GABRG3: variants seen among roughly 807,000 people sequenced by gnomAD.
The protein encoded by GABRG3 is gamma-aminobutyric acid type A receptor subunit gamma3, also known as gamma-aminobutyric acid receptor subunit gamma-3.
Under a neutral mutation model 48.8 loss-of-function variants are expected in GABRG3, and 25 were observed. The observed-to-expected ratio is 0.51, with a 90% CI of 0.37 to 0.72. GABRG3 has a LOEUF of 0.72. GABRG3 is among the 30% of genes least tolerant of loss of function. GABRG3 has a pLI of 0.00. For missense variants in GABRG3, 394 were observed against 577.9 expected (o/e 0.68, Z 3.26); for synonymous variants, 227 against 217.6 (o/e 1.04, Z -0.38).
Position 27,092,640 on chromosome 15 carries a change from G to A in GABRG3, c.270+65819G>A, listed in dbSNP as rs1897207925. Reference sequence around the variant, plus strand: ...CTTAATCTCGGGTGATTTAGTGCTGGAGAAAATAACAGTCAGGCCAGCCAT... The same window carrying A: ...CTTAATCTCGGGTGATTTAGTGCTGAAGAAAATAACAGTCAGGCCAGCCAT... On this transcript the variant is annotated intron_variant, in intron 3 of 9. Coordinates refer to ENST00000615808, the MANE Select transcript of GABRG3 (RefSeq NM_033223.5). Among the ~76,000 whole-genome samples, 5 of 152,204 alleles carry A rather than the reference G, an allele frequency of 3.3e-5. 1 individual carries two copies. The South Asian group carries it at 1.0e-3, about 31-fold the overall frequency.
intron 5 of GABRG3, among the ~76,000 whole-genome samples, chr15:27,387,176 C>T (rs184466566): frequency 6.6e-6 from 1 of 151,688 alleles, no homozygotes; most frequent in Non-Finnish European, 1.5e-5. Context: ...TGCTTTAAAA[C>T]CCTTGTTAGA....
rs1169973611 is a variant in GABRG3 at position 27,313,240 on chromosome 15, ATGTGTGTG to A, written c.271-13553_271-13546del. Among the ~76,000 whole-genome samples, 315 of 56,838 alleles carry A rather than the reference ATGTGTGTG, an allele frequency of 5.5e-3. 13 individuals carry two copies. The highest frequency in any genetic ancestry group is 0.023 in the East Asian group (55 of 2,376). The allele number at this position is 56,838 out of a possible 152,430, so 37.3% of individuals were successfully genotyped here. ...TGTATATATATACGTATATGTATAT[ATGTGTGTG>A]TGTGTGTGTGTGTGTATATATATAT... On this transcript the variant is annotated intron_variant, in intron 3 of 9. Coordinates refer to ENST00000615808, the MANE Select transcript of GABRG3 (RefSeq NM_033223.5).
chr15:27,207,324 C>T (rs1183871592), intron 3 of GABRG3, among the ~76,000 whole-genome samples: 3 of 152,138 alleles, frequency 2.0e-5, no homozygotes, highest in African/African-American at 7.2e-5. Context: ...AAAATATAAC[C>T]ATGTCCAAGA....
At chr15:27,479,187 G>A (rs1170133705) in intron 5 of GABRG3, among the ~76,000 whole-genome samples, 1 of 152,024 alleles carries the variant, frequency 6.6e-6, no homozygotes, top group Non-Finnish European at 1.5e-5. Context: ...TGTGCATTAT[G>A]TCTCAAATAA....
At chr15:27,072,479 A>G (rs1896844883) in intron 3 of GABRG3, among the ~76,000 whole-genome samples, 1 of 152,120 alleles carries the variant, frequency 6.6e-6, no homozygotes. Flanking sequence ...CTCTCAGGAC[A>G]TTTCATCTCA....
At chr15:27,244,009 G>A (rs566849470) in intron 3 of GABRG3, among the ~76,000 whole-genome samples, 2 of 152,272 alleles carry the variant, frequency 1.3e-5, no homozygotes, top group South Asian at 4.1e-4. Context: ...CTGGTTCCTG[G>A]TCACTGTGGA....
chr15:27,403,709 T>C (rs1418547013), intron 5 of GABRG3, among the ~76,000 whole-genome samples: 1 of 151,088 alleles, frequency 6.6e-6, no homozygotes, highest in African/African-American at 2.4e-5. Flanking sequence ...GGTCAGGAGA[T>C]GGAGACCAGC....
At chr15:27,445,962 AG>A (rs1317879390) in intron 5 of GABRG3, among the ~76,000 whole-genome samples, 7 of 152,054 alleles carry the variant, frequency 4.6e-5, no homozygotes. Context: ...TGTAAATAAG[AG>A]GATTTATTTG....
At chr15:27,306,539 T>C (rs1024421569) in intron 3 of GABRG3, among the ~76,000 whole-genome samples, 9 of 133,714 alleles carry the variant, frequency 6.7e-5, no homozygotes, top group Non-Finnish European at 1.2e-4. Context: ...AACATAAACA[T>C]ATAATATAAA....
chr15:27,148,329 TA>T (rs1898247876), intron 3 of GABRG3, among the ~76,000 whole-genome samples: 2 of 151,892 alleles, frequency 1.3e-5, no homozygotes, highest in Non-Finnish European at 2.9e-5. Context: ...CCTCATAACA[TA>T]AAAAAAGAGG....
In GABRG3 at chr15:27,081,048, A is replaced by G. The variant is rs145514178; in HGVS notation, c.270+54227A>G. ...GTCCCTAACGGGTGGCTGAGGGCAC[A>G]CAGCTGAGTGAGTTGAGCCCACTTT... On this transcript the variant is annotated intron_variant, in intron 3 of 9. Transcript: ENST00000615808. 3.7e-3 allele frequency among the ~76,000 whole-genome samples: 567 copies of G among 152,312 alleles called. 12 individuals carry two copies. The East Asian group carries it at 0.048, about 13-fold the overall frequency.
rs112782970 is a variant in GABRG3 at position 27,131,371 on chromosome 15, T to C, written c.270+104550T>C. ...TTTTTATGTCAAACTATCCTTGTTTTTCAGGAACAAACCATACTTTTTCAT... is the reference window on the plus strand; with the variant it reads ...TTTTTATGTCAAACTATCCTTGTTTCTCAGGAACAAACCATACTTTTTCAT... On this transcript the variant is annotated intron_variant, in intron 3 of 9. Transcript: ENST00000615808. Among the ~76,000 whole-genome samples, 1,003 of 152,216 alleles carry C rather than the reference T, an allele frequency of 6.6e-3. 2 individuals are homozygous for C. The highest frequency in any genetic ancestry group is 0.011 in the Non-Finnish European group (744 of 67,936).
At chr15:27,517,383 C>T (rs905542716) in intron 6 of GABRG3, among the ~76,000 whole-genome samples, 1 of 152,248 alleles carries the variant, frequency 6.6e-6, no homozygotes, top group Non-Finnish European at 1.5e-5. Context: ...GCACCCATGT[C>T]TGGGAAAGGC....
chr15:27,247,644 G>C (rs904634311), intron 3 of GABRG3, among the ~76,000 whole-genome samples: 1 of 152,146 alleles, frequency 6.6e-6, no homozygotes, highest in African/African-American at 2.4e-5. Flanking sequence ...TGGTAAAGAC[G>C]TACTGGAGAC....
chr15:27,018,380 T>C (rs1658581886), intron 2 of GABRG3, among the ~76,000 whole-genome samples: 1 of 152,338 alleles, frequency 6.6e-6, no homozygotes, highest in East Asian at 1.9e-4. Flanking sequence ...GTTTTTATTC[T>C]TTTAAGAATA....
chr15:27,164,305 T>G lies in GABRG3; in HGVS notation c.270+137484T>G, dbSNP rs186907978. Among the ~76,000 whole-genome samples the G allele has an allele frequency of 9.2e-5, 14 of 152,322 alleles. No individual in the cohort carries two copies. In the East Asian group the frequency reaches 2.5e-3, roughly 27 times the overall value. On this transcript the variant is annotated intron_variant, in intron 3 of 9. Transcript: ENST00000615808. Reference sequence around the variant, plus strand: ...ACATGTCAGTCCTGAATATTTCACATGTACCACCTAAGAATGAAAACATTC... The same window carrying G: ...ACATGTCAGTCCTGAATATTTCACAGGTACCACCTAAGAATGAAAACATTC...
intron 3 of GABRG3, among the ~76,000 whole-genome samples, chr15:27,189,768 T>C (rs1453728102): frequency 2.0e-5 from 3 of 152,208 alleles, no homozygotes; most frequent in Admixed American, 2.0e-4. Flanking sequence ...CTATGTTGAA[T>C]AGGAGTGGTG....
chr15:27,375,596 G>A (rs1031448620), intron 5 of GABRG3, among the ~76,000 whole-genome samples: 4 of 152,180 alleles, frequency 2.6e-5, no homozygotes, highest in Non-Finnish European at 4.4e-5. Context: ...GAGGCTTCAC[G>A]ATTGTGGTGG....
At chr15:27,181,800 A>T (rs1887940375) in intron 3 of GABRG3, among the ~76,000 whole-genome samples, 1 of 152,088 alleles carries the variant, frequency 6.6e-6, no homozygotes, top group African/African-American at 2.4e-5. Context: ...TTCAGATTAT[A>T]AGGTCATAGC....
Sources: gnomAD v4.1 joint callset for allele counts (sites outside exome capture counted in the v4.1 genomes callset) on GRCh38, gnomAD v4.1.1 for gene constraint, MANE v1.5 for transcripts, NCBI Gene and HGNC (gene_info 2026-07-23, HGNC 2026-07-21) for gene names.